The following UNK variants were observed in gnomAD, a reference collection of about 807,000 sequenced individuals.
The protein encoded by UNK is RING finger protein unkempt homolog.
In UNK, 32 loss-of-function variants were observed where a neutral mutation model predicts 97.6. The observed-to-expected ratio is 0.33, with a 90% CI of 0.25 to 0.44. The LOEUF (loss-of-function observed/expected upper bound fraction) is 0.44, where lower values mean the gene tolerates loss of function less well. Ranked by LOEUF, UNK falls within the 20% of genes least tolerant of loss-of-function variation. The probability of loss-of-function intolerance (pLI) is 1.00; values close to 1 mark genes in which losing one functional copy is unlikely to be tolerated. For synonymous variants in UNK, 441 were observed against 461.2 expected (o/e 0.96, Z 0.56); for missense variants, 771 against 1,098.4 (o/e 0.70, Z 4.21).
intron 1 of UNK, among the ~76,000 whole-genome samples, chr17:75,806,158 A>G (rs868570680): frequency 5.3e-5 from 8 of 151,712 alleles, no homozygotes; most frequent in African/African-American, 1.7e-4. Flanking sequence ...CTGGTCCTTT[A>G]CAAGAAGAGT....
At chr17:75,814,489 CAAAA>C (rs59234903) in intron 6 of UNK, among the ~76,000 whole-genome samples, 1 of 70,006 alleles carries the variant, frequency 1.4e-5, no homozygotes, top group Non-Finnish European at 2.5e-5. Context: ...GAGACTCCAT[CAAAA>C]AAAAAAAAAA....
chr17:75,792,046 G>C (rs934014676), intron 1 of UNK: 3 of 985,432 alleles, frequency 3.0e-6, no homozygotes, highest in Non-Finnish European at 3.6e-6. Context: ...GTGTGTCTTA[G>C]AAGCCATGAG....
intron 13 of UNK, 70 bp from the exon 14 acceptor site, chr17:75,822,407 T>C: frequency 6.6e-7 from 1 of 1,516,624 alleles, no homozygotes; most frequent in East Asian, 2.3e-5. Context: ...CTGGAACCTC[T>C]GAGGCAGGGC....
At chr17:75,807,109 G>T (rs1436770790) in intron 1 of UNK, among the ~76,000 whole-genome samples, 2 of 152,348 alleles carry the variant, frequency 1.3e-5, no homozygotes, top group African/African-American at 4.8e-5. Context: ...GACAGACTGT[G>T]CCCAGAGGCA....
In UNK at chr17:75,806,392, G is replaced by A. The variant is rs1487083876; in HGVS notation, c.105-3368G>A. Among the ~76,000 whole-genome samples the A allele has an allele frequency of 2.6e-5, 4 of 152,052 alleles. No individual in the cohort carries two copies. The East Asian group carries it at 7.7e-4, about 29-fold the overall frequency. On this transcript the variant is annotated intron_variant, in intron 1 of 15. Coordinates refer to ENST00000589666, the MANE Select transcript of UNK (RefSeq NM_001080419.3). Reference sequence around the variant, plus strand: ...GAGAATTGCTTGAACCTGGGAGGCAGAGGTTGCGGTGAGTGAGCCAAGATC... The same window carrying A: ...GAGAATTGCTTGAACCTGGGAGGCAAAGGTTGCGGTGAGTGAGCCAAGATC...
At chr17:75,792,349 G>A (rs759516239) in intron 1 of UNK, 17 of 984,986 alleles carry the variant, frequency 1.7e-5, no homozygotes, top group Admixed American at 6.2e-5. Flanking sequence ...CCCACTATCC[G>A]TATGCATCTT....
chr17:75,792,168 AG>A, intron 1 of UNK: 3 of 881,206 alleles, frequency 3.4e-6, no homozygotes, highest in Non-Finnish European at 4.1e-6. Context: ...GAGAGACTCC[AG>A]GTCAAGAGTG....
intron 1 of UNK, among the ~76,000 whole-genome samples, chr17:75,795,155 G>A (rs1166368624): frequency 3.3e-5 from 5 of 152,034 alleles, no homozygotes; most frequent in Admixed American, 2.6e-4. Context: ...TGATGGATGT[G>A]TGTTCTAAAC....
intron 14 of UNK, 52 bp from the exon 15 acceptor site, chr17:75,823,213 G>A: frequency 6.6e-6 from 10 of 1,525,196 alleles, no homozygotes; most frequent in Admixed American, 6.2e-5. Context: ...TGCTCTCTGG[G>A]GACAGGGGCA....
intron 1 of UNK, among the ~76,000 whole-genome samples, chr17:75,790,936 G>A (rs559960773): frequency 6.6e-6 from 1 of 152,046 alleles, no homozygotes; most frequent in Non-Finnish European, 1.5e-5. Flanking sequence ...CGAGACTCTG[G>A]CTTGAAAAAA....
intron 1 of UNK, among the ~76,000 whole-genome samples, chr17:75,808,746 G>A (rs1419198508): frequency 4.6e-5 from 7 of 152,090 alleles, no homozygotes; most frequent in Admixed American, 4.6e-4. Flanking sequence ...GCATTTTTAG[G>A]CTCGAGAGAC....
chr17:75,813,400 C>T (rs1223471752), intron 5 of UNK, among the ~76,000 whole-genome samples, 187 bp downstream of exon 5: 1 of 152,196 alleles, frequency 6.6e-6, no homozygotes, highest in Non-Finnish European at 1.5e-5. Flanking sequence ...GCTTCACCTC[C>T]TGCATGAATG....
chr17:75,816,917 G>A lies in UNK; in HGVS notation c.1104+5G>A, dbSNP rs1225746313. Reference sequence around the variant, plus strand: ...CATGCCCCTGACCTCAGTGCCGTACGTGTCCATCCTGGGGAGTGGGTGGGC... The same window carrying A: ...CATGCCCCTGACCTCAGTGCCGTACATGTCCATCCTGGGGAGTGGGTGGGC... On this transcript the variant is annotated splice_donor_5th_base_variant and intron_variant, in intron 8 of 15. Coordinates refer to ENST00000589666, the MANE Select transcript of UNK (RefSeq NM_001080419.3). The surrounding 1 kb of genome is among the most constrained non-coding windows in gnomAD (Gnocchi z 4.0). 7 of 1,599,372 alleles carry A rather than the reference G, an allele frequency of 4.4e-6. No individual in the cohort carries two copies. Among genetic ancestry groups the A allele is most frequent in the Admixed American group, 1.7e-5 (1 of 59,256 alleles).
intron 1 of UNK, 31 bp downstream of exon 1, chr17:75,785,015 G>GCGCA (rs1567789804): frequency 1.6e-5 from 21 of 1,349,798 alleles, no homozygotes; most frequent in Non-Finnish European, 1.7e-5. Flanking sequence ...CCCGCCGCGC[G>GCGCA]CGCACGCCTG....
intron 2 of UNK, among the ~76,000 whole-genome samples, chr17:75,810,632 T>C (rs780544790): frequency 8.3e-4 from 126 of 152,236 alleles, no homozygotes; most frequent in Non-Finnish European, 1.7e-3. Context: ...CAGGCTGGAG[T>C]GCAGTGGCAG....
chr17:75,816,757 C>G lies in UNK; in HGVS notation c.962-13C>G. On this transcript the variant is annotated splice_polypyrimidine_tract_variant and intron_variant, in intron 7 of 15. Transcript: ENST00000589666. The surrounding 1 kb of genome is among the most constrained non-coding windows in gnomAD (Gnocchi z 4.0). ...GGCTGGGGCCTGCTGACCCCTGCCCCTGACTCTTGCAGAGCCACCCCTGAG... is the reference window on the plus strand; with the variant it reads ...GGCTGGGGCCTGCTGACCCCTGCCCGTGACTCTTGCAGAGCCACCCCTGAG... 1 of 1,595,326 alleles carries G rather than the reference C, an allele frequency of 6.3e-7. No homozygotes were observed. The highest frequency in any genetic ancestry group is 2.2e-5 in the East Asian group (1 of 44,752).
chr17:75,815,123 C>T, intron 6 of UNK, 46 bp from the exon 7 acceptor site: 2 of 1,576,522 alleles, frequency 1.3e-6, no homozygotes, highest in South Asian at 1.1e-5. Flanking sequence ...CCTGCCCGGC[C>T]TTCCCTCAGG....
chr17:75,789,976 T>C (rs1371876840), intron 1 of UNK, among the ~76,000 whole-genome samples: 1 of 103,446 alleles, frequency 9.7e-6, no homozygotes, highest in Non-Finnish European at 2.5e-5. Flanking sequence ...CCCCCGTCTC[T>C]ACTAAAAATA....
intron 1 of UNK, chr17:75,793,413 C>G: frequency 1.0e-6 from 1 of 985,300 alleles, no homozygotes; most frequent in Non-Finnish European, 1.2e-6. Flanking sequence ...TATAAAATCC[C>G]TCAACTTTCA....
Sources: allele counts gnomAD v4.1 joint callset (sites outside exome capture counted in the v4.1 genomes callset), GRCh38; gene constraint gnomAD v4.1.1; non-coding constraint Gnocchi (gnomAD v3.1); transcripts MANE v1.5; gene names NCBI Gene and HGNC (gene_info 2026-07-23, HGNC 2026-07-21).